EVA1C: variants seen among roughly 807,000 people sequenced by gnomAD.
EVA1C encodes eva-1 homolog C.
Under a neutral mutation model 45.4 loss-of-function variants are expected in EVA1C, and 25 were observed. The ratio of observed to expected loss-of-function variants is 0.55; its 90% CI spans 0.40 to 0.77. EVA1C has a LOEUF of 0.77. EVA1C is among the 30% of genes least tolerant of loss of function. The pLI is 0.00. For synonymous variants in EVA1C, 190 were observed against 221.2 expected (o/e 0.86, Z 1.25); for missense variants, 479 against 554.8 (o/e 0.86, Z 1.37).
intron 3 of EVA1C, among the ~76,000 whole-genome samples, chr21:32,466,192 G>A (rs1252530084): frequency 2.0e-5 from 3 of 152,114 alleles, no homozygotes; most frequent in African/African-American, 4.8e-5. Flanking sequence ...AGGCTGAAGC[G>A]GGTGGATCAC....
intron 3 of EVA1C, among the ~76,000 whole-genome samples, chr21:32,458,957 G>T (rs1235562365): frequency 6.6e-6 from 1 of 152,002 alleles, no homozygotes; most frequent in East Asian, 1.9e-4. Context: ...ACACATGTGG[G>T]GAGAAACCCC....
chr21:32,412,984 A>G lies in EVA1C; in HGVS notation c.131A>G (p.Lys44Arg), dbSNP rs777470526. The change falls in exon 1 of 8, where the codon AAA becomes AGA. Residue 44 changes from lysine (K) to arginine (R), a missense_variant. Lys to Arg is a conservative substitution (Grantham distance 26, BLOSUM62 2). This residue lies in a region of EVA1C where 80 missense variants were observed against 63.8 expected (regional missense o/e 1.25). Coordinates refer to ENST00000300255, the MANE Select transcript of EVA1C (RefSeq NM_058187.5). ...TACTGCACTGTCCTGGTCTGCTCCA[A>G]AGAGATCTCAGCGCTCACCGACTTC... ...LFYCTVLVCS[K>R]EISALTDFSG... 3.4e-6 allele frequency: 5 copies of G among 1,487,878 alleles called. No individual in the cohort carries two copies. In the South Asian group the frequency reaches 6.6e-5, roughly 20 times the overall value. 92.2% of individuals were successfully genotyped at this position (1,487,878 alleles called of 1,614,324 possible).
Position 32,496,613 on chromosome 21 carries a change from C to A in EVA1C, c.778+1443C>A, listed in dbSNP as rs944146404. 1.1e-4 allele frequency among the ~76,000 whole-genome samples: 16 copies of A among 152,196 alleles called. 1 individual carries two copies. Among genetic ancestry groups the A allele is most frequent in the Admixed American group, 7.9e-4 (12 of 15,274 alleles). On this transcript the variant is annotated intron_variant, in intron 5 of 7. Transcript: ENST00000300255. The stretch of plus-strand genomic sequence containing the variant: ...GCCAAAAAGGTCACTTTGAGTACAT[C>A]CTTGGATAGCTCCTCTGGTAGAATG...
intron 1 of EVA1C, among the ~76,000 whole-genome samples, chr21:32,447,893 C>T (rs539707117): frequency 2.2e-4 from 34 of 152,098 alleles, no homozygotes; most frequent in Non-Finnish European, 3.8e-4. Flanking sequence ...TTAGCAGAGA[C>T]GGGGTTTTTC....
intron 4 of EVA1C, among the ~76,000 whole-genome samples, chr21:32,479,798 T>G (rs578232874): frequency 2.5e-4 from 37 of 150,878 alleles, no homozygotes; most frequent in African/African-American, 9.0e-4. Flanking sequence ...CAAAAAAAAT[T>G]TAAAAATTTA....
At chr21:32,507,878 T>C (rs1419693240) in intron 7 of EVA1C, among the ~76,000 whole-genome samples, 3 of 152,074 alleles carry the variant, frequency 2.0e-5, no homozygotes, top group Non-Finnish European at 4.4e-5. Context: ...GTCATGTGTG[T>C]GCATGTGTAT....
At chr21:32,508,422 A>G (rs2037844490) in intron 7 of EVA1C, among the ~76,000 whole-genome samples, 1 of 152,200 alleles carries the variant, frequency 6.6e-6, no homozygotes, top group Non-Finnish European at 1.5e-5. Context: ...GGGAGGCATA[A>G]TTGTTTCATA....
intron 1 of EVA1C, among the ~76,000 whole-genome samples, chr21:32,429,215 A>G (rs555001043): frequency 5.3e-5 from 8 of 152,126 alleles, no homozygotes; most frequent in African/African-American, 1.9e-4. Context: ...TAATTTTTGT[A>G]TTTTTAGTAT....
At position 32,515,276 on chromosome 21, in the gene EVA1C, C is replaced by T; in HGVS notation, c.*86C>T. 1 of 1,401,222 alleles carries T rather than the reference C, an allele frequency of 7.1e-7. No homozygotes were observed. The highest frequency in any genetic ancestry group is 1.5e-5 in the South Asian group (1 of 67,478). The allele number at this position is 1,401,222 out of a possible 1,614,324, so 86.8% of individuals were successfully genotyped here. A position where few individuals can be genotyped will look rare whatever the true frequency, so the allele number is the denominator to read the frequency against. Reference sequence around the variant, plus strand: ...TCCAGTTCTGGTTCACCTGTACCTTCTATGAAGGAGAATTCGTCATGTCAT... The same window carrying T: ...TCCAGTTCTGGTTCACCTGTACCTTTTATGAAGGAGAATTCGTCATGTCAT... On this transcript the variant is annotated 3_prime_UTR_variant, in exon 8 of 8. Transcript: ENST00000300255.
chr21:32,506,278 GCA>G (rs2037720260), intron 7 of EVA1C, among the ~76,000 whole-genome samples: 1 of 147,464 alleles, frequency 6.8e-6, no homozygotes, highest in Non-Finnish European at 1.5e-5. Flanking sequence ...CAGAACAGGT[GCA>G]CAGTCAGTAG....
chr21:32,460,362 C>T (rs1053253871), intron 3 of EVA1C, among the ~76,000 whole-genome samples: 2 of 152,198 alleles, frequency 1.3e-5, no homozygotes, highest in East Asian at 3.9e-4. Flanking sequence ...TCCTCTCATC[C>T]TGCCACCCCT....
chr21:32,467,229 G>A (rs971396911), intron 3 of EVA1C, among the ~76,000 whole-genome samples: 1 of 152,096 alleles, frequency 6.6e-6, no homozygotes, highest in African/African-American at 2.4e-5. Flanking sequence ...TGGAGGTGAG[G>A]TTTAACTGGG....
intron 1 of EVA1C, among the ~76,000 whole-genome samples, chr21:32,447,767 G>A (rs1430370902): frequency 1.3e-5 from 2 of 152,006 alleles, no homozygotes; most frequent in African/African-American, 2.4e-5. Context: ...GTGCAATGGC[G>A]CGATCTCAGC....
intron 4 of EVA1C, among the ~76,000 whole-genome samples, chr21:32,484,896 A>G (rs1312005930): frequency 1.3e-5 from 2 of 151,624 alleles, no homozygotes; most frequent in African/African-American, 4.8e-5. Context: ...ACTCACCCAC[A>G]GGGAGGGGCT....
At chr21:32,414,339 T>C (rs954412580) in intron 1 of EVA1C, among the ~76,000 whole-genome samples, 1 of 152,198 alleles carries the variant, frequency 6.6e-6, no homozygotes, top group African/African-American at 2.4e-5. Flanking sequence ...TCTTGGCTGC[T>C]AGAAAAGCTC....
intron 1 of EVA1C, among the ~76,000 whole-genome samples, chr21:32,447,516 T>C (rs1363373389): frequency 1.4e-5 from 2 of 147,086 alleles, no homozygotes; most frequent in East Asian, 4.1e-4. Flanking sequence ...ACATCAGTTC[T>C]TACAGCTATG....
chr21:32,466,361 G>A (rs1434899798), intron 3 of EVA1C, among the ~76,000 whole-genome samples: 1 of 150,914 alleles, frequency 6.6e-6, no homozygotes, highest in African/African-American at 2.4e-5. Flanking sequence ...AGAGCTTGCA[G>A]TGAGCAGAGA....
chr21:32,464,203 C>T (rs761990414), intron 3 of EVA1C, among the ~76,000 whole-genome samples: 3 of 152,180 alleles, frequency 2.0e-5, no homozygotes, highest in Non-Finnish European at 4.4e-5. Flanking sequence ...ATTAAGATTC[C>T]AGTGAGTGGG....
chr21:32,493,102 A>G (rs898145982), intron 4 of EVA1C, among the ~76,000 whole-genome samples: 5 of 152,210 alleles, frequency 3.3e-5, no homozygotes, highest in Admixed American at 1.3e-4. Context: ...ATAGTTTCTC[A>G]CTATACAAGT....
Sources: allele counts gnomAD v4.1 joint callset (sites outside exome capture counted in the v4.1 genomes callset), GRCh38; gene constraint gnomAD v4.1.1; regional missense constraint gnomAD v4.1.1; transcripts MANE v1.5; gene names NCBI Gene and HGNC (gene_info 2026-07-23, HGNC 2026-07-21).